The following ARID4A variants were observed in gnomAD, a reference collection of about 807,000 sequenced individuals.
ARID4A encodes the protein AT-rich interactive domain-containing protein 4A.
Under a neutral mutation model 148.6 loss-of-function variants are expected in ARID4A, and 39 were observed. The ratio of observed to expected loss-of-function variants is 0.26; its 90% confidence interval spans 0.20 to 0.34. ARID4A has a LOEUF of 0.34. Among genes scored for constraint, ARID4A ranks in the 10% least tolerant of loss-of-function variants. ARID4A has a pLI of 1.00. For synonymous variants in ARID4A, 475 were observed against 481.2 expected, an observed-to-expected ratio of 0.99 and a Z score of 0.17; for missense variants, 1,265 against 1,449.1, an observed-to-expected ratio of 0.87 and a Z score of 2.06.
chr14:58,354,665 A>G (rs2034789247), intron 17 of ARID4A, among the ~76,000 whole-genome samples: 2 of 151,276 alleles, frequency 1.3e-5, no homozygotes. Flanking sequence ...CCTGGATGAT[A>G]GAGCGAAACC....
At chr14:58,340,507 G>C (rs1007629296) in intron 11 of ARID4A, among the ~76,000 whole-genome samples, 1 of 152,076 alleles carries the variant, frequency 6.6e-6, no homozygotes, top group African/African-American at 2.4e-5. Context: ...ACAACGCCAC[G>C]CCCAGCTAAT....
At chr14:58,336,571 T>C (rs1190978) in intron 11 of ARID4A, among the ~76,000 whole-genome samples, 24,622 of 150,128 alleles carry the variant, frequency 0.16, 2,235 homozygotes, top group African/African-American at 0.24. Flanking sequence ...TGACAAAATA[T>C]ATCTGTTGTA....
rs536564085 is a variant in ARID4A at position 58,300,565 on chromosome 14, C to G, written c.6+705C>G. Among the ~76,000 whole-genome samples the G allele has an allele frequency of 3.0e-4, 46 of 152,176 alleles. 1 individual carries two copies. The highest frequency in any genetic ancestry group is 1.1e-3 in the African/African-American group (45 of 41,522). ...ACTTACTTTAAAAGGTACCCAATTCCTGTCTTATTTACTGTTTCAGCATAT... is the reference window on the plus strand; with the variant it reads ...ACTTACTTTAAAAGGTACCCAATTCGTGTCTTATTTACTGTTTCAGCATAT... On this transcript the variant is annotated intron_variant, in intron 2 of 23. Coordinates refer to ENST00000355431, the MANE Select transcript of ARID4A (RefSeq NM_002892.4).
chr14:58,339,427 G>A (rs1361295597), intron 11 of ARID4A, among the ~76,000 whole-genome samples: 1 of 152,002 alleles, frequency 6.6e-6, no homozygotes, highest in African/African-American at 2.4e-5. Context: ...AATTTTTGTG[G>A]CTCCGATATG....
rs71107934 is a variant in ARID4A at position 58,319,521 on chromosome 14, C to CTTTTTTTTTTTT, written c.449+744_449+755dup. Among the ~76,000 whole-genome samples the CTTTTTTTTTTTT allele has an allele frequency of 1.6e-4, 10 of 62,096 alleles. 2 individuals are homozygous for CTTTTTTTTTTTT. The highest frequency in any genetic ancestry group is 5.9e-4 in the African/African-American group (9 of 15,194). The allele number at this position is 62,096 out of a possible 152,430, so 40.7% of individuals were successfully genotyped here. A position where few individuals can be genotyped will look rare whatever the true frequency, so the allele number is the denominator to read the frequency against. On this transcript the variant is annotated intron_variant, in intron 7 of 23. Transcript: ENST00000355431. ...ATCTGTGTATGAATGTCTATATACT[C>CTTTTTTTTTTTT]TTTTTTTTTTTTTTTTTTTTTTTTT...
At chr14:58,325,204 C>T (rs1354853549) in intron 8 of ARID4A, among the ~76,000 whole-genome samples, 1 of 152,182 alleles carries the variant, frequency 6.6e-6, no homozygotes, top group Non-Finnish European at 1.5e-5. Context: ...TCCACTTCTT[C>T]ATCCCCTCTT....
intron 8 of ARID4A, among the ~76,000 whole-genome samples, chr14:58,325,209 C>T (rs990599284): frequency 3.9e-5 from 6 of 152,112 alleles, no homozygotes; most frequent in African/African-American, 9.7e-5. Context: ...TTCTTCATCC[C>T]CTCTTAAATA....
chr14:58,371,429 T>G (rs947107218), intron 23 of ARID4A, among the ~76,000 whole-genome samples: 5 of 152,190 alleles, frequency 3.3e-5, no homozygotes, highest in Non-Finnish European at 7.3e-5. Flanking sequence ...GACTTTTTGC[T>G]TATCACACAT....
rs570166427 is a variant in ARID4A at position 58,314,851 on chromosome 14, G to T, written c.275-3691G>T. Reference sequence around the variant, plus strand: ...AAAAAATCTTAGTCTGGGTTCAGTGGCTCACACCTGTAATCCCAGCACTTT... The same window carrying T: ...AAAAAATCTTAGTCTGGGTTCAGTGTCTCACACCTGTAATCCCAGCACTTT... On this transcript the variant is annotated intron_variant, in intron 5 of 23. Transcript: ENST00000355431. Among the ~76,000 whole-genome samples the T allele has an allele frequency of 1.3e-3, 193 of 152,284 alleles. 4 individuals carry two copies. Among genetic ancestry groups the T allele is most frequent in the Admixed American group, 5.2e-4 (8 of 15,286 alleles).
At chr14:58,326,536 A>G (rs544772273) in intron 8 of ARID4A, among the ~76,000 whole-genome samples, 5 of 152,358 alleles carry the variant, frequency 3.3e-5, no homozygotes, top group African/African-American at 7.2e-5. Flanking sequence ...TAGGAAATAT[A>G]GCTGTGAACA....
At chr14:58,348,316 G>A (rs950398006) in intron 15 of ARID4A, among the ~76,000 whole-genome samples, 11 of 152,196 alleles carry the variant, frequency 7.2e-5, no homozygotes, top group African/African-American at 2.7e-4. Flanking sequence ...CACTCCACGA[G>A]GTCAGGGATT....
chr14:58,309,724 C>A (rs1379294967), intron 5 of ARID4A, among the ~76,000 whole-genome samples: 1 of 152,198 alleles, frequency 6.6e-6, no homozygotes, highest in Non-Finnish European at 1.5e-5. Flanking sequence ...AAAATGTACA[C>A]ACACAGATCA....
chr14:58,357,722 T>A (rs1056688033), intron 17 of ARID4A, among the ~76,000 whole-genome samples: 4 of 152,000 alleles, frequency 2.6e-5, no homozygotes, highest in African/African-American at 2.4e-5. Context: ...GATTGGACAT[T>A]CCTGGTCTAA....
At chr14:58,336,616 C>T (rs1025115041) in intron 11 of ARID4A, among the ~76,000 whole-genome samples, 60 of 152,256 alleles carry the variant, frequency 3.9e-4, no homozygotes, top group African/African-American at 1.4e-3. Flanking sequence ...TTTCATTATA[C>T]CACTATTAAA....
intron 17 of ARID4A, among the ~76,000 whole-genome samples, chr14:58,355,769 T>G (rs1825997180): frequency 6.6e-6 from 1 of 152,214 alleles, no homozygotes; most frequent in South Asian, 2.1e-4. Flanking sequence ...TAGCCTTCTT[T>G]CTTCCTCAGA....
intron 7 of ARID4A, among the ~76,000 whole-genome samples, chr14:58,322,413 CA>C (rs1293539448): frequency 1.3e-5 from 2 of 151,990 alleles, no homozygotes; most frequent in Non-Finnish European, 2.9e-5. Flanking sequence ...ATAATTTTAA[CA>C]AGTTGAGTTA....
intron 9 of ARID4A, 31 bp from the exon 10 acceptor site, chr14:58,329,497 T>C: frequency 7.1e-7 from 1 of 1,403,506 alleles, no homozygotes. Flanking sequence ...ATTGAATAAA[T>C]TGTTTTCCTC....
intron 19 of ARID4A, among the ~76,000 whole-genome samples, chr14:58,361,913 T>G (rs1467726563): frequency 6.6e-6 from 1 of 152,216 alleles, no homozygotes; most frequent in East Asian, 1.9e-4. Flanking sequence ...AGGATTTTAA[T>G]CTCATATGAT....
chr14:58,328,699 A>G (rs760751405), intron 9 of ARID4A, among the ~76,000 whole-genome samples: 5 of 152,108 alleles, frequency 3.3e-5, no homozygotes, highest in Non-Finnish European at 7.3e-5. Context: ...TCATGATTAC[A>G]ATCCAGACTT....
Sources: gnomAD v4.1 joint callset for allele counts (sites outside exome capture counted in the v4.1 genomes callset) on GRCh38, gnomAD v4.1.1 for gene constraint, MANE v1.5 for transcripts, NCBI Gene and HGNC (gene_info 2026-07-23, HGNC 2026-07-21) for gene names.